Variants in CACNG3 observed in about 807,000 individuals in gnomAD.
CACNG3 encodes voltage-dependent calcium channel gamma-3 subunit.
In CACNG3, 3 loss-of-function variants were observed where a neutral mutation model predicts 28.5. The ratio of observed to expected loss-of-function variants is 0.11; its 90% CI spans 0.05 to 0.27. CACNG3 has a LOEUF of 0.27. Ranked by LOEUF, CACNG3 falls within the 10% of genes least tolerant of loss-of-function variation. CACNG3 has a pLI of 1.00. For missense variants in CACNG3, 236 were observed against 414.4 expected, an observed-to-expected ratio of 0.57 and a Z score of 3.74; for synonymous variants, 174 against 162.2, an observed-to-expected ratio of 1.07 and a Z score of -0.55.
chr16:24,300,294 A>T (rs1413017720), intron 1 of CACNG3, among the ~76,000 whole-genome samples: 1 of 152,084 alleles, frequency 6.6e-6, no homozygotes, highest in African/African-American at 2.4e-5. Flanking sequence ...GGGCTCTCGA[A>T]TCTGTACACA....
intron 1 of CACNG3, among the ~76,000 whole-genome samples, chr16:24,309,779 AGAG>A (rs751701626): frequency 6.6e-6 from 1 of 152,182 alleles, no homozygotes; most frequent in Non-Finnish European, 1.5e-5. Flanking sequence ...GTGGGAATAC[AGAG>A]GAGGAGATGT....
At chr16:24,317,649 AAAGAAAG>A (rs1567217652) in intron 1 of CACNG3, among the ~76,000 whole-genome samples, 3 of 11,444 alleles carry the variant, frequency 2.6e-4, no homozygotes, top group Non-Finnish European at 3.8e-4. Context: ...AAAGAAAAGA[AAAGAAAG>A]AAAGAAAGAA....
chr16:24,357,923 T>G (rs1023001737), intron 3 of CACNG3, among the ~76,000 whole-genome samples: 1 of 152,142 alleles, frequency 6.6e-6, no homozygotes, highest in African/African-American at 2.4e-5. Context: ...GGATGGCAGG[T>G]AGACTAGACA....
At chr16:24,264,208 A>T (rs1481491995) in intron 1 of CACNG3, among the ~76,000 whole-genome samples, 5 of 152,236 alleles carry the variant, frequency 3.3e-5, no homozygotes, top group Non-Finnish European at 7.3e-5. Flanking sequence ...ATGTTGCCCT[A>T]TACGAGGCTG....
At chr16:24,324,185 G>A (rs1171341342) in intron 1 of CACNG3, among the ~76,000 whole-genome samples, 1 of 152,176 alleles carries the variant, frequency 6.6e-6, no homozygotes, top group African/African-American at 2.4e-5. Flanking sequence ...GTTCAATAAA[G>A]GTAAAGGTCC....
chr16:24,279,144 C>T (rs568699426), intron 1 of CACNG3, among the ~76,000 whole-genome samples: 18 of 151,874 alleles, frequency 1.2e-4, no homozygotes, highest in Admixed American at 1.2e-3. Context: ...TTGGGAGGCA[C>T]GTTAAGTAAG....
chr16:24,312,947 GAA>G (rs879920459), intron 1 of CACNG3, among the ~76,000 whole-genome samples: 13,105 of 104,084 alleles, frequency 0.13, 747 homozygotes, highest in African/African-American at 0.21. Flanking sequence ...AAGAAAGAAA[GAA>G]AGAAAGAGAA....
At position 24,316,979 on chromosome 16, in the gene CACNG3, C is replaced by T. The variant is rs186177791; in HGVS notation, c.212-29755C>T. Among the ~76,000 whole-genome samples, 255 of 152,246 alleles carry T rather than the reference C, an allele frequency of 1.7e-3. 3 individuals are homozygous for T. The highest frequency in any genetic ancestry group is 2.5e-4 in the Non-Finnish European group (17 of 68,014). Reference sequence around the variant, plus strand: ...TTAGAATGCACAGCGAATCACATAGCAGGGAGAAAATCTAATATAATACCT... The same window carrying T: ...TTAGAATGCACAGCGAATCACATAGTAGGGAGAAAATCTAATATAATACCT... On this transcript the variant is annotated intron_variant, in intron 1 of 3. Coordinates refer to ENST00000005284, the MANE Select transcript of CACNG3 (RefSeq NM_006539.4).
intron 1 of CACNG3, among the ~76,000 whole-genome samples, chr16:24,281,719 T>G (rs1246693657): frequency 6.6e-6 from 1 of 152,186 alleles, no homozygotes; most frequent in African/African-American, 2.4e-5. Context: ...AAGATAATTA[T>G]GATGATAAAT....
At chr16:24,319,733 C>T (rs1899432118) in intron 1 of CACNG3, among the ~76,000 whole-genome samples, 1 of 151,872 alleles carries the variant, frequency 6.6e-6, no homozygotes, top group African/African-American at 2.4e-5. Flanking sequence ...GGATTACAGG[C>T]ATGAACCACC....
chr16:24,260,599 G>A (rs1347979772), intron 1 of CACNG3, among the ~76,000 whole-genome samples: 2 of 152,214 alleles, frequency 1.3e-5, no homozygotes, highest in African/African-American at 2.4e-5. Context: ...TGGGTAGCCT[G>A]CTACTGGTAC....
In CACNG3 at chr16:24,345,499, G is replaced by A. The variant is rs149823109; in HGVS notation, c.212-1235G>A. On this transcript the variant is annotated intron_variant, in intron 1 of 3. Coordinates refer to ENST00000005284, the MANE Select transcript of CACNG3 (RefSeq NM_006539.4). ...GTGGATCACCTGATGTCAGGAGTTC[G>A]AGATCAGCCTGGTCAACATGGTGAA... Among the ~76,000 whole-genome samples, 802 of 152,238 alleles carry A rather than the reference G, an allele frequency of 5.3e-3. 13 individuals carry two copies. Among genetic ancestry groups the A allele is most frequent in the South Asian group, 0.022 (106 of 4,814 alleles).
At chr16:24,344,380 A>G (rs756642489) in intron 1 of CACNG3, among the ~76,000 whole-genome samples, 2 of 151,152 alleles carry the variant, frequency 1.3e-5, no homozygotes, top group African/African-American at 4.9e-5. Context: ...CTGCACTCCA[A>G]CCTGGGCAAT....
chr16:24,312,270 A>G (rs976455023), intron 1 of CACNG3, among the ~76,000 whole-genome samples: 5 of 152,190 alleles, frequency 3.3e-5, no homozygotes, highest in African/African-American at 1.2e-4. Flanking sequence ...TGAGCCGAGC[A>G]TCTGCTCCTG....
In CACNG3 at chr16:24,361,363, A is replaced by G; in HGVS notation, c.448A>G (p.Ile150Val). 1 of 1,599,190 alleles carries G rather than the reference A, an allele frequency of 6.3e-7. No individual in the cohort carries two copies. Among genetic ancestry groups the G allele is most frequent in the African/African-American group, 1.3e-5 (1 of 74,146 alleles). The change falls in exon 4 of 4, where the codon ATC becomes GTC. Residue 150 changes from isoleucine to valine, a missense_variant. Ile to Val is a conservative substitution (Grantham distance 29). Transcript: ENST00000005284. This position sits in a 1 kb window ranked among gnomAD's most constrained non-coding sequence, Gnocchi z 6.8. Reference sequence around the variant, plus strand: ...TCCCCTTCTCTTAGGGTTAAGCAACATCATTGGCATCATAGTTTATATATC... The same window carrying G: ...TCCCCTTCTCTTAGGGTTAAGCAACGTCATTGGCATCATAGTTTATATATC... Reference protein sequence around the residue: ...IFFVSAGLSNIIGIIVYISAN... With the variant: ...IFFVSAGLSNVIGIIVYISAN...
In CACNG3 at chr16:24,361,228, C is replaced by T; in HGVS notation, c.437-124C>T. The stretch of plus-strand genomic sequence containing the variant: ...AGAAGAACTAGGTGGTTGGATTTCC[C>T]AGCTATAATCCATTCTCCTCTCTCC... On this transcript the variant is annotated intron_variant, in intron 3 of 3. Transcript: ENST00000005284. This position sits in a 1 kb window ranked among gnomAD's most constrained non-coding sequence, Gnocchi z 6.8. 1.3e-6 allele frequency: 1 copy of T among 771,610 alleles called. No individual in the cohort carries two copies. The highest frequency in any genetic ancestry group is 2.1e-6 in the Non-Finnish European group (1 of 473,960). The allele number at this position is 771,610 out of a possible 1,614,324, so 47.8% of individuals were successfully genotyped here. A position where few individuals can be genotyped will look rare whatever the true frequency, so the allele number is the denominator to read the frequency against.
intron 1 of CACNG3, among the ~76,000 whole-genome samples, chr16:24,298,612 A>G (rs1215985677): frequency 1.3e-5 from 2 of 152,210 alleles, no homozygotes; most frequent in Admixed American, 1.3e-4. Context: ...AATATGAGAC[A>G]TTTGTTCCAA....
intron 1 of CACNG3, among the ~76,000 whole-genome samples, chr16:24,268,097 A>C (rs1282960065): frequency 6.6e-6 from 1 of 152,236 alleles, no homozygotes; most frequent in Non-Finnish European, 1.5e-5. Context: ...TGAGAGATAG[A>C]TACTACTATT....
chr16:24,300,387 A>G (rs1221701040), intron 1 of CACNG3, among the ~76,000 whole-genome samples: 1 of 151,980 alleles, frequency 6.6e-6, no homozygotes, highest in Admixed American at 6.6e-5. Flanking sequence ...CAAACTGGAA[A>G]TTGCATGGTC....
Sources: gnomAD v4.1 joint callset for allele counts (sites outside exome capture counted in the v4.1 genomes callset) on GRCh38, gnomAD v4.1.1 for gene constraint, Gnocchi (gnomAD v3.1) non-coding constraint, MANE v1.5 for transcripts, NCBI Gene and HGNC (gene_info 2026-07-23, HGNC 2026-07-21) for gene names.